The following KIF23 variants were observed in gnomAD, a reference collection of about 807,000 sequenced individuals.
KIF23 encodes kinesin family member 23, also known as kinesin-like protein KIF23.
In KIF23, 30 loss-of-function variants were observed where a neutral mutation model predicts 137.5. The ratio of observed to expected loss-of-function variants is 0.22; its 90% CI spans 0.16 to 0.30. The LOEUF (loss-of-function observed/expected upper bound fraction) is 0.30. KIF23 is among the 10% of genes least tolerant of loss of function. The pLI, the probability that KIF23 is intolerant of heterozygous loss-of-function variation, is 1.00. For missense variants in KIF23, 920 were observed against 1,194.3 expected (o/e 0.77, Z 3.38); for synonymous variants, 367 against 391.1 (o/e 0.94, Z 0.73).
At chr15:69,446,753 CTT>C in intron 22 of KIF23, 116 bp from the exon 23 acceptor site, 2 of 914,432 alleles carry the variant, frequency 2.2e-6, no homozygotes, top group Non-Finnish European at 3.6e-6. Flanking sequence ...ACGTAAGAGT[CTT>C]TGCTGAACTA....
intron 11 of KIF23, chr15:69,434,665 C>T (rs757250163): frequency 6.8e-7 from 1 of 1,477,860 alleles, no homozygotes; most frequent in Non-Finnish European, 9.4e-7. Flanking sequence ...TCTCACCCTC[C>T]TGTCTTGAGT....
chr15:69,417,304 A>G (rs762737852), intron 2 of KIF23, 79 bp from the exon 3 acceptor site: 565 of 1,311,544 alleles, frequency 4.3e-4, no homozygotes, highest in Non-Finnish European at 5.3e-4. Flanking sequence ...TGTTGAATGA[A>G]TGAATGAATG....
intron 19 of KIF23, chr15:69,443,611 G>C (rs1046721292): frequency 7.2e-5 from 11 of 152,032 alleles, no homozygotes; most frequent in African/African-American, 2.7e-4. Context: ...ACAGGTATGA[G>C]CCACTGCACC....
At position 69,421,627 on chromosome 15, in the gene KIF23, AT is replaced by A; in HGVS notation, c.211-13del. The A allele has an allele frequency of 3.4e-6, 5 of 1,480,102 alleles. No homozygotes were observed. Among genetic ancestry groups the A allele is most frequent in the South Asian group, 1.1e-5 (1 of 87,552 alleles). 91.7% of individuals were successfully genotyped at this position (1,480,102 alleles called of 1,614,324 possible). A position where few individuals can be genotyped will look rare whatever the true frequency, so the allele number is the denominator to read the frequency against. ...ATAATAGTGGAATTCTATTTAGTGC[AT>A]TTTTTTCTCTCTCCACAGACTCAGT... On this transcript the variant is annotated intron_variant, in intron 3 of 23. Transcript: ENST00000679126.
At chr15:69,427,282 G>T (rs966060104) in intron 10 of KIF23, 11 of 396,036 alleles carry the variant, frequency 2.8e-5, no homozygotes, top group Admixed American at 6.5e-5. Flanking sequence ...ATCCATAGGA[G>T]ATCCTACAAC....
rs1458034286 is a variant in KIF23 at position 69,440,584 on chromosome 15, T to TA, written c.2109+98dup. 8.8e-6 allele frequency: 11 copies of TA among 1,242,942 alleles called. No individual in the cohort carries two copies. In the African/African-American group the frequency reaches 1.4e-4, roughly 16 times the overall value. The allele number at this position is 1,242,942 out of a possible 1,614,324, so 77.0% of individuals were successfully genotyped here. A position where few individuals can be genotyped will look rare whatever the true frequency, so the allele number is the denominator to read the frequency against. The stretch of plus-strand genomic sequence containing the variant: ...GAGGATTTTTACATTTTATAATACT[T>TA]ACATTTCTGAAATTTCTCTAAAAAT... On this transcript the variant is annotated intron_variant, in intron 18 of 23. Coordinates refer to ENST00000679126, the MANE Select transcript of KIF23 (RefSeq NM_001367805.3).
Position 69,417,504 on chromosome 15 carries a change from A to C in KIF23, c.203A>C (p.Tyr68Ser). ...EGYRLNRNGD[Y>S]KETQYSFKQV... is the part of the protein sequence containing the mutation. ...TACAGACTCAACCGAAATGGAGACTATAAGGAGGTAATTCTGATTTGGACC... is the reference window on the plus strand; with the variant it reads ...TACAGACTCAACCGAAATGGAGACTCTAAGGAGGTAATTCTGATTTGGACC... Residue 68 changes from tyrosine (Y) to serine (S), a missense_variant, in exon 3 of 24, where the codon TAT becomes TCT. This residue lies in a region of KIF23 where 124 missense variants were observed against 122.0 expected (regional missense o/e 1.02). Coordinates refer to ENST00000679126, the MANE Select transcript of KIF23 (RefSeq NM_001367805.3). The C allele has an allele frequency of 3.7e-6, 6 of 1,611,674 alleles. No individual in the cohort carries two copies. The highest frequency in any genetic ancestry group is 5.1e-6 in the Non-Finnish European group (6 of 1,179,230).
chr15:69,429,807 G>A (rs1315672259), intron 11 of KIF23, among the ~76,000 whole-genome samples: 1 of 152,098 alleles, frequency 6.6e-6, no homozygotes, highest in African/African-American at 2.4e-5. Context: ...GATCACTTGA[G>A]CCCAGGAGTT....
At chr15:69,439,879 T>C in intron 16 of KIF23, 25 bp from the exon 17 acceptor site, 1 of 1,551,870 alleles carries the variant, frequency 6.4e-7, no homozygotes, top group Non-Finnish European at 8.8e-7. Context: ...TACCAAATAT[T>C]GAACATAGTG....
chr15:69,446,236 T>G, intron 21 of KIF23, 47 bp from the exon 22 acceptor site: 1 of 1,555,176 alleles, frequency 6.4e-7, no homozygotes, highest in Non-Finnish European at 8.9e-7. Flanking sequence ...ATTTTTCCTC[T>G]TCTTAGATGG....
Position 69,444,803 on chromosome 15 carries a change from C to G in KIF23, c.2435C>G (p.Pro812Arg), listed in dbSNP as rs566034588. 1 of 1,613,888 alleles carries G rather than the reference C, an allele frequency of 6.2e-7. No homozygotes were observed. The highest frequency in any genetic ancestry group is 1.7e-5 in the Admixed American group (1 of 59,992). Residue 812 changes from proline to arginine, a missense_variant, in exon 20 of 24, where the codon CCT becomes CGT. Pro to Arg is a moderately radical substitution (Grantham distance 103). Around this residue, in one of 4 missense-constraint regions of KIF23, gnomAD observed 714 missense variants for 866.2 expected, o/e 0.82. Transcript: ENST00000679126. The surrounding 1 kb of genome is among the most constrained non-coding windows in gnomAD (Gnocchi z 4.2). ...EDHCGRLLFQ[P>R]DQNAPPIRLR... ...CTTGTTTCTCAGTTACTCTTTCAAC[C>G]TGATCAGAACGCACCACCAATTCGT...
rs1033440349 is a variant in KIF23, at chr15:69,436,795, C to G, written c.1597+73C>G. ...TTTGAGACATAGTTTCACTCTGTACCCCAGGGTGGAGTGCAGTGGCACAAT... is the reference window on the plus strand; with the variant it reads ...TTTGAGACATAGTTTCACTCTGTACGCCAGGGTGGAGTGCAGTGGCACAAT... On this transcript the variant is annotated intron_variant, in intron 15 of 23. Coordinates refer to ENST00000679126, the MANE Select transcript of KIF23 (RefSeq NM_001367805.3). 10 of 1,011,268 alleles carry G rather than the reference C, an allele frequency of 9.9e-6. No individual in the cohort carries two copies. The Admixed American group carries it at 2.0e-4, about 20-fold the overall frequency. The allele number at this position is 1,011,268 out of a possible 1,614,324, so 62.6% of individuals were successfully genotyped here. A position where few individuals can be genotyped will look rare whatever the true frequency, so the allele number is the denominator to read the frequency against.
intron 3 of KIF23, among the ~76,000 whole-genome samples, chr15:69,419,236 C>T (rs1446103776): frequency 6.6e-6 from 1 of 152,184 alleles, no homozygotes; most frequent in East Asian, 1.9e-4. Context: ...GTATCATTGA[C>T]AAGACTTCCA....
In KIF23 at chr15:69,417,487, C is replaced by T. The variant is rs756126957; in HGVS notation, c.186C>T (p.Leu62=). The T allele has an allele frequency of 1.2e-6, 2 of 1,613,668 alleles. No individual in the cohort carries two copies. The highest frequency in any genetic ancestry group is 1.1e-5 in the South Asian group (1 of 90,966). Residue 62 remains leucine, a synonymous_variant, in exon 3 of 24, where the codon CTC becomes CTT. Transcript: ENST00000679126. ...VQLHTPEGYR[L]NRNGDYKETQ... ...TTCATACTCCTGAGGGCTACAGACT[C>T]AACCGAAATGGAGACTATAAGGAGG...
At chr15:69,443,382 A>G (rs982675443) in intron 19 of KIF23, among the ~76,000 whole-genome samples, 1 of 114,094 alleles carries the variant, frequency 8.8e-6, no homozygotes, top group Admixed American at 1.3e-4. Flanking sequence ...TCTGTTGCCC[A>G]GGCTGGAGTG....
At chr15:69,435,110 G>A (rs1231664675) in intron 11 of KIF23, 3 of 471,374 alleles carry the variant, frequency 6.4e-6, no homozygotes, top group Admixed American at 7.3e-5. Context: ...CCTGGGGGTC[G>A]CCATGATTCC....
chr15:69,439,097 CAAAAA>C (rs35730014), intron 16 of KIF23, among the ~76,000 whole-genome samples: 289 of 110,832 alleles, frequency 2.6e-3, no homozygotes, highest in Non-Finnish European at 2.3e-3. Context: ...GAGCCTGTCT[CAAAAA>C]AAAAAAAAAA....
At position 69,446,031 on chromosome 15, in the gene KIF23, G is replaced by C. The variant is rs144127110; in HGVS notation, c.2696G>C (p.Gly899Ala). Residue 899 changes from glycine to alanine, a missense_variant, in exon 21 of 24, where the codon GGT (glycine) becomes GCT (alanine). This residue lies in a region of KIF23 where 75 missense variants were observed against 177.9 expected (regional missense o/e 0.42). Coordinates refer to ENST00000679126, the MANE Select transcript of KIF23 (RefSeq NM_001367805.3). ...TAGGGTGATATTTATAAAACAAGGG[G>C]TGGTGGACAATCTGTTCAGTTTACT... Reference protein sequence around the residue: ...LIKGDIYKTRGGGQSVQFTDI... With the variant: ...LIKGDIYKTRAGGQSVQFTDI... 52 of 1,613,728 alleles carry C rather than the reference G, an allele frequency of 3.2e-5. No homozygotes were observed. In the African/African-American group the frequency reaches 6.1e-4, roughly 19 times the overall value.
At position 69,417,370 on chromosome 15, in the gene KIF23, C is replaced by T. The variant is rs377450145; in HGVS notation, c.82-13C>T. Reference sequence around the variant, plus strand: ...TCGAACTTTCTTCTTAAAGCACCTTCCTATTTCTTCAGGTATACTGTAGGG... The same window carrying T: ...TCGAACTTTCTTCTTAAAGCACCTTTCTATTTCTTCAGGTATACTGTAGGG... On this transcript the variant is annotated splice_polypyrimidine_tract_variant and intron_variant, in intron 2 of 23. Coordinates refer to ENST00000679126, the MANE Select transcript of KIF23 (RefSeq NM_001367805.3). 44 of 1,558,382 alleles carry T rather than the reference C, an allele frequency of 2.8e-5. No individual in the cohort carries two copies. The highest frequency in any genetic ancestry group is 3.6e-5 in the Non-Finnish European group (42 of 1,154,708).
Sources: allele counts gnomAD v4.1 joint callset (sites outside exome capture counted in the v4.1 genomes callset), GRCh38; gene constraint gnomAD v4.1.1; regional missense constraint gnomAD v4.1.1; non-coding constraint Gnocchi (gnomAD v3.1); transcripts MANE v1.5; gene names NCBI Gene and HGNC (gene_info 2026-07-23, HGNC 2026-07-21).